The following ANKRD17 variants were observed in gnomAD, a reference collection of about 807,000 sequenced individuals.
ANKRD17 encodes the protein ankyrin repeat domain 17.
ANKRD17 carries 19 observed loss-of-function variants against 229.7 expected under a neutral mutation model. That is an observed-to-expected ratio of 0.08 (90% CI 0.06 to 0.12). ANKRD17 has a LOEUF of 0.12. Ranked by LOEUF, ANKRD17 falls within the 10% of genes least tolerant of loss-of-function variation. The pLI, the probability that ANKRD17 is intolerant of heterozygous loss-of-function variation, is 1.00. For missense variants in ANKRD17, 2,176 were observed against 3,176.8 expected, an observed-to-expected ratio of 0.68 and a Z score of 7.57; for synonymous variants, 1,112 against 1,146.1, an observed-to-expected ratio of 0.97 and a Z score of 0.60.
chr4:73,094,424 T>C (rs544165072), intron 27 of ANKRD17, among the ~76,000 whole-genome samples, 196 bp from the exon 28 acceptor site: 3 of 152,324 alleles, frequency 2.0e-5, no homozygotes, highest in Non-Finnish European at 4.4e-5. Context: ...AGCTTTATTA[T>C]AGCTTCTCAT....
At chr4:73,212,337 ACT>A (rs1740388886) in intron 1 of ANKRD17, among the ~76,000 whole-genome samples, 1 of 152,218 alleles carries the variant, frequency 6.6e-6, no homozygotes, top group South Asian at 2.1e-4. Context: ...ACTTAAAATC[ACT>A]GTCAACATAA....
rs920928409 is a variant in ANKRD17 at position 73,193,711 on chromosome 4, T to C, written c.394-16178A>G. Among the ~76,000 whole-genome samples the C allele has an allele frequency of 7.2e-5, 11 of 152,256 alleles. 1 individual carries two copies. The highest frequency in any genetic ancestry group is 5.8e-4 in the East Asian group (3 of 5,182). On this transcript the variant is annotated intron_variant, in intron 1 of 33. Transcript: ENST00000358602. Reference sequence around the variant, plus strand: ...ACTTTGGGAGGTCAAGGTGGGCTGATTGCTTGAGCCTAGGAGTTCTGCAAC... The same window carrying C: ...ACTTTGGGAGGTCAAGGTGGGCTGACTGCTTGAGCCTAGGAGTTCTGCAAC...
chr4:73,202,910 G>T (rs1214195054), intron 1 of ANKRD17, among the ~76,000 whole-genome samples: 1 of 152,136 alleles, frequency 6.6e-6, no homozygotes, highest in Non-Finnish European at 1.5e-5. Flanking sequence ...AGTGCTCAAT[G>T]ATTTAAAGAA....
chr4:73,229,835 T>C (rs1742879360), intron 1 of ANKRD17, among the ~76,000 whole-genome samples: 3 of 152,134 alleles, frequency 2.0e-5, no homozygotes, highest in Admixed American at 6.5e-5. Flanking sequence ...CCAGAATTGT[T>C]TGGGAAATAT....
chr4:73,086,299 C>A, intron 29 of ANKRD17, among the ~76,000 whole-genome samples: 1 of 151,776 alleles, frequency 6.6e-6, no homozygotes. Context: ...ATTTCAAAAA[C>A]GAATGTATGT....
chr4:73,154,265 A>ATTT, intron 5 of ANKRD17, 152 bp from the exon 6 acceptor site: 1 of 371,814 alleles, frequency 2.7e-6, no homozygotes. Flanking sequence ...ATCTATATAT[A>ATTT]AAATTCCTTT....
intron 1 of ANKRD17, among the ~76,000 whole-genome samples, chr4:73,242,417 G>A (rs1476877551): frequency 6.6e-6 from 1 of 152,142 alleles, no homozygotes; most frequent in Non-Finnish European, 1.5e-5. Flanking sequence ...CACAAGAAAT[G>A]TGTAAAATCT....
chr4:73,194,279 G>C lies in ANKRD17; in HGVS notation c.394-16746C>G, dbSNP rs559074039. Among the ~76,000 whole-genome samples, 8 of 152,242 alleles carry C rather than the reference G, an allele frequency of 5.3e-5. No individual in the cohort carries two copies. The South Asian group carries it at 1.7e-3, about 32-fold the overall frequency. ...AATGTCAGGATAATTTTTGCACATA[G>C]TGCCAAGGAATAGGTTGAAGTTCCA... On this transcript the variant is annotated intron_variant, in intron 1 of 33. Transcript: ENST00000358602.
At chr4:73,093,218 CATGAATTTACTTTAAAGT>C (rs1722952162) in intron 28 of ANKRD17, among the ~76,000 whole-genome samples, 3 of 152,094 alleles carry the variant, frequency 2.0e-5, no homozygotes, top group Admixed American at 2.0e-4. Context: ...TTCAAAGGAA[CATGAATTTACTTTAAAGT>C]AATTAAATAT....
intron 24 of ANKRD17, among the ~76,000 whole-genome samples, chr4:73,112,335 A>G (rs1345139439): frequency 6.6e-6 from 1 of 152,230 alleles, no homozygotes; most frequent in Non-Finnish European, 1.5e-5. Flanking sequence ...TCAAATATAT[A>G]TTCTATCACA....
At chr4:73,130,541 C>A (rs896376265) in intron 16 of ANKRD17, among the ~76,000 whole-genome samples, 2 of 151,542 alleles carry the variant, frequency 1.3e-5, no homozygotes, top group African/African-American at 2.4e-5. Flanking sequence ...TGATGTCTAC[C>A]CTTCTTTAAA....
intron 1 of ANKRD17, among the ~76,000 whole-genome samples, chr4:73,184,528 C>CAAAAAAAAA (rs776930137): frequency 6.7e-5 from 2 of 29,974 alleles, no homozygotes; most frequent in African/African-American, 1.3e-4. Context: ...GACTTCCTCT[C>CAAAAAAAAA]AAAAAAAAAA....
chr4:73,089,557 C>A (rs910238036), intron 29 of ANKRD17, among the ~76,000 whole-genome samples: 4 of 152,156 alleles, frequency 2.6e-5, no homozygotes, highest in African/African-American at 7.2e-5. Flanking sequence ...CTTGTGAAAT[C>A]TGCCTAAAAT....
intron 29 of ANKRD17, 50 bp from the exon 30 acceptor site, chr4:73,085,496 A>G (rs1333985935): frequency 6.8e-7 from 1 of 1,470,074 alleles, no homozygotes; most frequent in Non-Finnish European, 9.5e-7. Context: ...CCTGCAAGAA[A>G]TAGAGATACC....
At chr4:73,193,863 T>C (rs544596425) in intron 1 of ANKRD17, among the ~76,000 whole-genome samples, 2 of 152,182 alleles carry the variant, frequency 1.3e-5, no homozygotes, top group African/African-American at 2.4e-5. Flanking sequence ...GCCCAGGAGG[T>C]TGAGGCTGCA....
At chr4:73,250,613 A>AAAAAAG (rs1744924754) in intron 1 of ANKRD17, among the ~76,000 whole-genome samples, 1 of 149,988 alleles carries the variant, frequency 6.7e-6, no homozygotes. Context: ...AAAAAAAAAA[A>AAAAAAG]AACAGAAAAA....
At chr4:73,196,254 TC>T (rs1433646615) in intron 1 of ANKRD17, among the ~76,000 whole-genome samples, 1 of 152,176 alleles carries the variant, frequency 6.6e-6, no homozygotes, top group East Asian at 1.9e-4. Flanking sequence ...CACCTCGGCC[TC>T]CCGAAGTGTT....
intron 7 of ANKRD17, among the ~76,000 whole-genome samples, chr4:73,149,886 G>T (rs1262442881): frequency 1.3e-5 from 2 of 151,972 alleles, no homozygotes. Context: ...AAAAAGAAAA[G>T]AAAATTCTAT....
chr4:73,115,932 C>A lies in ANKRD17; in HGVS notation c.4189-16G>T. On this transcript the variant is annotated splice_polypyrimidine_tract_variant and intron_variant, in intron 22 of 33. Coordinates refer to ENST00000358602, the MANE Select transcript of ANKRD17 (RefSeq NM_032217.5). ...TCACATGACCCTAAAAAATAGATAT[C>A]AATGTCAGATTGAAAACAGACTCTA... 1 of 1,606,764 alleles carries A rather than the reference C, an allele frequency of 6.2e-7. No individual in the cohort carries two copies. The highest frequency in any genetic ancestry group is 8.5e-7 in the Non-Finnish European group (1 of 1,174,234).
Sources: gnomAD v4.1 joint callset for allele counts (sites outside exome capture counted in the v4.1 genomes callset) on GRCh38, gnomAD v4.1.1 for gene constraint, MANE v1.5 for transcripts, NCBI Gene and HGNC (gene_info 2026-07-23, HGNC 2026-07-21) for gene names.